CMTR1: variants seen among roughly 807,000 people sequenced by gnomAD.
CMTR1 encodes the protein cap-specific mRNA (nucleoside-2'-O-)-methyltransferase 1.
In CMTR1, 39 loss-of-function variants were observed where a neutral mutation model predicts 107.0. The observed-to-expected ratio is 0.36, with a 90% CI of 0.28 to 0.48. The LOEUF (loss-of-function observed/expected upper bound fraction) is 0.48, where lower values mean the gene tolerates loss of function less well. Ranked by LOEUF, CMTR1 falls within the 20% of genes least tolerant of loss-of-function variation. The pLI, the probability that CMTR1 is intolerant of heterozygous loss-of-function variation, is 0.99. For synonymous variants in CMTR1, 366 were observed against 379.5 expected, an observed-to-expected ratio of 0.96 and a Z score of 0.41; for missense variants, 672 against 1,064.9, an observed-to-expected ratio of 0.63 and a Z score of 5.14.
At chr6:37,453,554 G>A (rs1380981645) in intron 8 of CMTR1, among the ~76,000 whole-genome samples, 1 of 152,212 alleles carries the variant, frequency 6.6e-6, no homozygotes, top group Non-Finnish European at 1.5e-5. Context: ...GAGTGGAAGG[G>A]TGAATACTGT....
intron 13 of CMTR1, 144 bp downstream of exon 13, chr6:37,463,152 C>G (rs1319867124): frequency 1.2e-6 from 1 of 823,678 alleles, no homozygotes; most frequent in African/African-American, 1.7e-5. Flanking sequence ...TTTCAGGGCT[C>G]CCTGGGACTT....
At chr6:37,450,081 A>G (rs571018218) in intron 4 of CMTR1, among the ~76,000 whole-genome samples, 170 bp from the exon 5 acceptor site, 1 of 152,322 alleles carries the variant, frequency 6.6e-6, no homozygotes, top group Admixed American at 6.5e-5. Flanking sequence ...TAAACTTTAG[A>G]ATTCTGGCTC....
chr6:37,475,353 C>T lies in CMTR1; in HGVS notation c.1977C>T (p.His659=). 6.2e-7 allele frequency: 1 copy of T among 1,611,984 alleles called. No homozygotes were observed. The highest frequency in any genetic ancestry group is 8.5e-7 in the Non-Finnish European group (1 of 1,178,688). Residue 659 remains histidine (H), a synonymous_variant, in exon 19 of 24, where the codon CAC becomes CAT. Transcript: ENST00000373451. Reference sequence around the variant, plus strand: ...CCCAGAGGAAGATCAGTGCCATCCACATCCTCGATGTCCTTGTGCTGAATG... The same window carrying T: ...CCCAGAGGAAGATCAGTGCCATCCATATCCTCGATGTCCTTGTGCTGAATG... The part of the protein sequence containing the change: ...GKAQRKISAI[H]ILDVLVLNGT...
Position 37,452,806 on chromosome 6 carries a change from G to A in CMTR1, c.610-241G>A, listed in dbSNP as rs532783682. Among the ~76,000 whole-genome samples, 19 of 152,076 alleles carry A rather than the reference G, an allele frequency of 1.2e-4. No individual in the cohort carries two copies. The South Asian group carries it at 2.7e-3, about 22-fold the overall frequency. On this transcript the variant is annotated intron_variant, in intron 6 of 23. Transcript: ENST00000373451. ...GGCTCTGTGTGTAGCAGCGGGTGCC[G>A]TTTTTTAAACACTTGCCATGTGCCA...
At chr6:37,476,061 T>TGGG in intron 19 of CMTR1, 65 bp from the exon 20 acceptor site, 2 of 1,516,016 alleles carry the variant, frequency 1.3e-6, no homozygotes, top group Non-Finnish European at 1.8e-6. Flanking sequence ...GAAAATGCCC[T>TGGG]GGGGGTAGGG....
intron 6 of CMTR1, among the ~76,000 whole-genome samples, chr6:37,452,549 T>A (rs1761202092): frequency 6.6e-6 from 1 of 152,160 alleles, no homozygotes; most frequent in African/African-American, 2.4e-5. Context: ...TCAGGTAATG[T>A]GAGGATTTCT....
intron 8 of CMTR1, among the ~76,000 whole-genome samples, chr6:37,457,070 A>T (rs1361383563): frequency 6.6e-6 from 1 of 151,446 alleles, no homozygotes; most frequent in Non-Finnish European, 1.5e-5. Flanking sequence ...AAAAAAAAAA[A>T]TTTGTTGAGC....
Position 37,462,918 on chromosome 6 carries a change from A to C in CMTR1, c.1415A>C (p.Asn472Thr), listed in dbSNP as rs1010040586. ...AATATTAAACTCAATCAGCTGCGGA[A>C]CACGGATTCCGACGTCAACTTGGTG... The part of the protein sequence containing the change: ...AVNIKLNQLR[N>T]TDSDVNLVVP... The change falls in exon 13 of 24, where the codon AAC (asparagine) becomes ACC (threonine). Residue 472 changes from asparagine (N) to threonine (T), a missense_variant. Physicochemically the swap from Asn to Thr is moderately conservative, Grantham distance 65. Around this residue, in one of 2 missense-constraint regions of CMTR1, gnomAD observed 583 missense variants for 968.4 expected, o/e 0.60. Transcript: ENST00000373451. 1 of 1,614,096 alleles carries C rather than the reference A, an allele frequency of 6.2e-7. No homozygotes were observed. The highest frequency in any genetic ancestry group is 1.3e-5 in the African/African-American group (1 of 74,930).
chr6:37,444,180 A>G, intron 3 of CMTR1, 30 bp downstream of exon 3: 1 of 1,607,062 alleles, frequency 6.2e-7, no homozygotes, highest in Non-Finnish European at 8.5e-7. Context: ...GGGTTTCTCA[A>G]GCCCCACCAG....
intron 13 of CMTR1, 45 bp from the exon 14 acceptor site, chr6:37,470,972 CCTGT>C (rs1441354080): frequency 1.3e-6 from 2 of 1,500,164 alleles, no homozygotes; most frequent in Non-Finnish European, 1.8e-6. Context: ...ATGTCAGTTA[CCTGT>C]CTTTTTTGGT....
At chr6:37,459,907 T>A (rs1464117390) in intron 10 of CMTR1, among the ~76,000 whole-genome samples, 2 of 152,224 alleles carry the variant, frequency 1.3e-5, no homozygotes, top group Non-Finnish European at 2.9e-5. Flanking sequence ...GATCTTGGTG[T>A]TGCTCCTGGT....
At chr6:37,459,278 T>G (rs527823978) in intron 9 of CMTR1, among the ~76,000 whole-genome samples, 3 of 152,406 alleles carry the variant, frequency 2.0e-5, no homozygotes, top group East Asian at 1.9e-4. Context: ...TGAACAGTCC[T>G]TATTACAAAA....
At chr6:37,453,906 G>GCACTAAGACTGTAATTTTAGACTGGGCC (rs1268797394) in intron 8 of CMTR1, among the ~76,000 whole-genome samples, 2 of 152,184 alleles carry the variant, frequency 1.3e-5, no homozygotes, top group African/African-American at 4.8e-5. Context: ...ATTTGTCCCA[G>GCACTAAGACTGTAATTTTAGACTGGGCC]CACTAAGACT....
At chr6:37,432,020 G>A (rs1771389900), upstream of CMTR1, among the ~76,000 whole-genome samples, 1 of 152,212 alleles carries the variant, frequency 6.6e-6, no homozygotes, top group South Asian at 2.1e-4. Flanking sequence ...ATTTCACCAT[G>A]TTGGCCAGGC....
rs1168895097 is a variant in CMTR1 at position 37,472,484 on chromosome 6, C to T, written c.1686C>T (p.Ile562=). Residue 562 remains isoleucine, a synonymous_variant, in exon 16 of 24, where the codon ATC becomes ATT. Coordinates refer to ENST00000373451, the MANE Select transcript of CMTR1 (RefSeq NM_015050.3). The surrounding 1 kb of genome is among the most constrained non-coding windows in gnomAD (Gnocchi z 4.1). ...SDPKSKFFEL[I]QGTEIDIFSY... ...CTAAATCGAAGTTCTTTGAGCTAAT[C>T]CAGGTAAGACTGGTATCTGTGGTGG... 9.9e-6 allele frequency: 16 copies of T among 1,613,994 alleles called. No individual in the cohort carries two copies. Among genetic ancestry groups the T allele is most frequent in the Non-Finnish European group, 1.3e-5 (15 of 1,179,844 alleles).
chr6:37,447,662 A>C (rs1562118796), intron 4 of CMTR1, among the ~76,000 whole-genome samples: 1 of 149,194 alleles, frequency 6.7e-6, no homozygotes, highest in Non-Finnish European at 1.5e-5. Context: ...GGAGTTCAAG[A>C]CCAGCCTGAC....
chr6:37,424,982 CTT>C, the CMTR1 span, among the ~76,000 whole-genome samples: 1 of 108,252 alleles, frequency 9.2e-6, no homozygotes, highest in Non-Finnish European at 1.7e-5. Context: ...GAGTTTTGCT[CTT>C]GTCGCCCAGG....
At chr6:37,465,816 G>T (rs72853557) in intron 13 of CMTR1, among the ~76,000 whole-genome samples, 1 of 90,922 alleles carries the variant, frequency 1.1e-5, no homozygotes, top group Non-Finnish European at 2.2e-5. Context: ...GTTTTTAATT[G>T]TTTTTTTGTT....
chr6:37,462,761 G>A (rs907976367), intron 12 of CMTR1, 68 bp from the exon 13 acceptor site: 1 of 1,480,938 alleles, frequency 6.8e-7, no homozygotes, highest in Admixed American at 1.7e-5. Flanking sequence ...TCCACAAGGG[G>A]TTGGGGGAAA....
Sources: allele counts gnomAD v4.1 joint callset (sites outside exome capture counted in the v4.1 genomes callset), GRCh38; gene constraint gnomAD v4.1.1; regional missense constraint gnomAD v4.1.1; non-coding constraint Gnocchi (gnomAD v3.1); transcripts MANE v1.5; gene names NCBI Gene and HGNC (gene_info 2026-07-23, HGNC 2026-07-21).